PIEZO2: variants seen among roughly 807,000 people sequenced by gnomAD.
The protein encoded by PIEZO2 is piezo type mechanosensitive ion channel component 2.
PIEZO2 carries 172 observed loss-of-function variants against 337.3 expected under a neutral mutation model. The ratio of observed to expected loss-of-function variants is 0.51; its 90% CI spans 0.45 to 0.58. PIEZO2 has a LOEUF of 0.58. Among genes scored for constraint, PIEZO2 ranks in the 20% least tolerant of loss-of-function variants. The pLI is 0.00. For missense variants in PIEZO2, 3,028 were observed against 3,391.3 expected (o/e 0.89, Z 2.66); for synonymous variants, 1,251 against 1,228.5 (o/e 1.02, Z -0.38).
Position 11,066,211 on chromosome 18 carries a change from G to A in PIEZO2, c.76C>T (p.Arg26Ter), listed in dbSNP as rs571918997. ...TAGACAAAGGAGAGCCCATTGTATC[G>A]GAATGCACATGCTGTGGGTGGGAAG... ...PICLAVACAF[R>*]YNGLSFVYLI... The change falls in exon 2 of 56, where the codon CGA (arginine) becomes TGA (stop). Residue 26 changes from arginine (R) to a stop codon, truncating the protein, a stop_gained. Transcript: ENST00000674853. LOFTEE classifies it high-confidence loss of function. The A allele has an allele frequency of 8.5e-6, 13 of 1,536,486 alleles. No homozygotes were observed. Among genetic ancestry groups the A allele is most frequent in the African/African-American group, 2.7e-5 (2 of 73,142 alleles).
At chr18:10,867,662 A>T (rs974447101) in intron 5 of PIEZO2, among the ~76,000 whole-genome samples, 2 of 152,168 alleles carry the variant, frequency 1.3e-5, no homozygotes, top group Non-Finnish European at 2.9e-5. Context: ...ACTATCTAAA[A>T]GAAAGGCCTC....
chr18:10,790,101 T>C (rs2144162770), intron 14 of PIEZO2, among the ~76,000 whole-genome samples: 1 of 152,294 alleles, frequency 6.6e-6, no homozygotes, highest in South Asian at 2.1e-4. Flanking sequence ...GATCTCAAAT[T>C]AACCATTTTT....
At chr18:10,852,944 C>T (rs2041598185) in intron 7 of PIEZO2, among the ~76,000 whole-genome samples, 1 of 152,126 alleles carries the variant, frequency 6.6e-6, no homozygotes. Context: ...CAGCTGGGGG[C>T]TTGGGAAGGC....
chr18:10,919,388 T>G (rs1237508294), intron 3 of PIEZO2, among the ~76,000 whole-genome samples: 9 of 152,166 alleles, frequency 5.9e-5, no homozygotes, highest in Non-Finnish European at 1.0e-4. Context: ...TCAATTTTCT[T>G]TTGTTGTCCC....
intron 3 of PIEZO2, among the ~76,000 whole-genome samples, chr18:10,966,093 C>T (rs2033985288): frequency 6.6e-6 from 1 of 152,136 alleles, no homozygotes; most frequent in Non-Finnish European, 1.5e-5. Flanking sequence ...AGTGTCCAAC[C>T]AGGTCCCTCA....
chr18:11,045,489 C>G (rs1249425586), intron 2 of PIEZO2, among the ~76,000 whole-genome samples: 1 of 152,058 alleles, frequency 6.6e-6, no homozygotes, highest in Non-Finnish European at 1.5e-5. Context: ...CAGCACCATG[C>G]ATGGGTGCCA....
At chr18:10,756,347 T>C (rs1444925425) in intron 27 of PIEZO2, among the ~76,000 whole-genome samples, 1 of 128,460 alleles carries the variant, frequency 7.8e-6, no homozygotes, top group East Asian at 2.4e-4. Flanking sequence ...GTAGTAGAAA[T>C]GGGGAATAAG....
intron 3 of PIEZO2, among the ~76,000 whole-genome samples, chr18:10,961,042 G>A (rs2033753204): frequency 6.6e-6 from 1 of 152,074 alleles, no homozygotes; most frequent in African/African-American, 2.4e-5. Flanking sequence ...TTAGCTGGGT[G>A]TGGTGGCGGG....
intron 1 of PIEZO2, among the ~76,000 whole-genome samples, chr18:11,119,487 A>G (rs774782523): frequency 7.9e-5 from 12 of 152,212 alleles, no homozygotes; most frequent in Non-Finnish European, 8.8e-5. Flanking sequence ...CTTAATTAAA[A>G]CATCATCAAT....
chr18:10,859,589 A>C lies in PIEZO2; in HGVS notation c.493-2378T>G, dbSNP rs1379616711. ...TGCTGGATCACCCCTGTTAACAGGC[A>C]AGGGCGCCTTGCTGTCTCACCTTAA... On this transcript the variant is annotated intron_variant, in intron 5 of 55. Coordinates refer to ENST00000674853, the MANE Select transcript of PIEZO2 (RefSeq NM_001378183.1). The surrounding 1 kb of genome is among the most constrained non-coding windows in gnomAD (Gnocchi z 4.9). 2.6e-5 allele frequency among the ~76,000 whole-genome samples: 4 copies of C among 152,208 alleles called. 1 individual carries two copies. The South Asian group carries it at 6.2e-4, about 24-fold the overall frequency.
chr18:10,804,028 T>C, intron 8 of PIEZO2, 34 bp from the exon 9 acceptor site: 1 of 1,535,810 alleles, frequency 6.5e-7, no homozygotes, highest in Non-Finnish European at 8.7e-7. Context: ...TCTTGCTTCC[T>C]GAGGCAGTTC....
chr18:10,903,002 C>T lies in PIEZO2; in HGVS notation c.329+8184G>A, dbSNP rs1292152336. Among the ~76,000 whole-genome samples the T allele has an allele frequency of 2.0e-5, 3 of 152,138 alleles. No homozygotes were observed. The highest frequency in any genetic ancestry group is 2.0e-4 in the Admixed American group (3 of 15,268). Reference sequence around the variant, plus strand: ...ACTACTTCTGTTGCTCACTGATGGGCAACAGGGCTTTTATCCCCAGCCTTT... The same window carrying T: ...ACTACTTCTGTTGCTCACTGATGGGTAACAGGGCTTTTATCCCCAGCCTTT... On this transcript the variant is annotated intron_variant, in intron 4 of 55. Transcript: ENST00000674853. This position sits in a 1 kb window ranked among gnomAD's most constrained non-coding sequence, Gnocchi z 4.1.
rs925491619 is a variant in PIEZO2, at chr18:10,837,759, T to C, written c.917+17594A>G. The stretch of plus-strand genomic sequence containing the variant: ...AAAATTTCCTCATTTTTTTTTGTTG[T>C]TGTTGTTGTTGAGATGAAGTCTCAC... On this transcript the variant is annotated intron_variant, in intron 7 of 55. Coordinates refer to ENST00000674853, the MANE Select transcript of PIEZO2 (RefSeq NM_001378183.1). This position sits in a 1 kb window ranked among gnomAD's most constrained non-coding sequence, Gnocchi z 4.4. Among the ~76,000 whole-genome samples, 6 of 152,044 alleles carry C rather than the reference T, an allele frequency of 3.9e-5. No homozygotes were observed. Among genetic ancestry groups the C allele is most frequent in the Admixed American group, 6.5e-5 (1 of 15,270 alleles).
intron 39 of PIEZO2, among the ~76,000 whole-genome samples, chr18:10,714,456 AAAT>A (rs1215109422): frequency 1.3e-5 from 2 of 152,022 alleles, no homozygotes. Context: ...GATGTCCCAC[AAAT>A]AATAACTTTG....
intron 2 of PIEZO2, among the ~76,000 whole-genome samples, chr18:10,984,166 T>C (rs899807373): frequency 6.6e-6 from 1 of 151,832 alleles, no homozygotes; most frequent in Non-Finnish European, 1.5e-5. Flanking sequence ...AAAAAAAAAT[T>C]CAAAAATTCA....
Position 10,847,962 on chromosome 18 carries a change from C to T in PIEZO2, c.917+7391G>A, listed in dbSNP as rs993391399. Among the ~76,000 whole-genome samples, 12 of 152,292 alleles carry T rather than the reference C, an allele frequency of 7.9e-5. No individual in the cohort carries two copies. The highest frequency in any genetic ancestry group is 3.3e-4 in the Admixed American group (5 of 15,296). Reference sequence around the variant, plus strand: ...TAACGTGCTTTACATTTGTTTTTCTCCACACACTGGACCGATTTCAGATGA... The same window carrying T: ...TAACGTGCTTTACATTTGTTTTTCTTCACACACTGGACCGATTTCAGATGA... On this transcript the variant is annotated intron_variant, in intron 7 of 55. Coordinates refer to ENST00000674853, the MANE Select transcript of PIEZO2 (RefSeq NM_001378183.1). The surrounding 1 kb of genome is among the most constrained non-coding windows in gnomAD (Gnocchi z 5.7).
chr18:10,797,779 C>A (rs138948314), intron 11 of PIEZO2, among the ~76,000 whole-genome samples: 2 of 152,324 alleles, frequency 1.3e-5, no homozygotes, highest in African/African-American at 4.8e-5. Context: ...GCCTCTAAAC[C>A]TGTCATCAGA....
chr18:11,086,999 A>C (rs1488374756), intron 1 of PIEZO2, among the ~76,000 whole-genome samples: 1 of 152,128 alleles, frequency 6.6e-6, no homozygotes, highest in African/African-American at 2.4e-5. Context: ...TTGAATCCTA[A>C]TCCTCAAAGT....
At position 11,131,946 on chromosome 18, in the gene PIEZO2, T is replaced by C. The variant is rs1599008195; in HGVS notation, c.64+16579A>G. Among the ~76,000 whole-genome samples, 1 of 152,174 alleles carries C rather than the reference T, an allele frequency of 6.6e-6. No individual in the cohort carries two copies. The highest frequency in any genetic ancestry group is 6.5e-5 in the Admixed American group (1 of 15,280). ...TGGTGGCAGGGTTGGAGGTTATACA[T>C]GGGCTCAGTAACAAGGACTTCCATT... On this transcript the variant is annotated intron_variant, in intron 1 of 55. Transcript: ENST00000674853. The surrounding 1 kb of genome is among the most constrained non-coding windows in gnomAD (Gnocchi z 5.3).
Sources: allele counts gnomAD v4.1 joint callset (sites outside exome capture counted in the v4.1 genomes callset), GRCh38; gene constraint gnomAD v4.1.1; non-coding constraint Gnocchi (gnomAD v3.1); transcripts MANE v1.5; gene names NCBI Gene and HGNC (gene_info 2026-07-23, HGNC 2026-07-21).